TTK: variants seen among roughly 807,000 people sequenced by gnomAD.
TTK encodes dual specificity protein kinase TTK.
TTK carries 59 observed loss-of-function variants against 117.3 expected under a neutral mutation model. That is an observed-to-expected ratio of 0.50 (90% CI 0.41 to 0.62). The LOEUF is 0.62. Among genes scored for constraint, TTK ranks in the 20% least tolerant of loss-of-function variants. The pLI, the probability that TTK is intolerant of heterozygous loss-of-function variation, is 0.00. For synonymous variants in TTK, 302 were observed against 325.0 expected (o/e 0.93, Z 0.76); for missense variants, 921 against 989.4 (o/e 0.93, Z 0.93).
At chr6:80,029,092 A>G (rs1430806018) in intron 13 of TTK, among the ~76,000 whole-genome samples, 3 of 152,224 alleles carry the variant, frequency 2.0e-5, no homozygotes, top group Admixed American at 6.5e-5. Context: ...AACAATAAAA[A>G]ACCCATGAGT....
chr6:80,034,302 ACAACT>A (rs1220930889), intron 14 of TTK, among the ~76,000 whole-genome samples: 2 of 152,136 alleles, frequency 1.3e-5, no homozygotes, highest in East Asian at 3.9e-4. Flanking sequence ...CTAACAAATC[ACAACT>A]CTGACACTAT....
At chr6:80,008,615 T>A in intron 4 of TTK, 123 bp downstream of exon 4, 1 of 816,268 alleles carries the variant, frequency 1.2e-6, no homozygotes, top group Non-Finnish European at 1.8e-6. Flanking sequence ...GTTGATCAGA[T>A]GAGAATATGG....
chr6:80,039,790 C>T lies in TTK; in HGVS notation c.2225C>T (p.Ser742Phe), dbSNP rs1257782523. 1 of 1,585,876 alleles carries T rather than the reference C, an allele frequency of 6.3e-7. No individual in the cohort carries two copies. Among genetic ancestry groups the T allele is most frequent in the Admixed American group, 1.8e-5 (1 of 56,242 alleles). Reference sequence around the variant, plus strand: ...TTTCAGCAGATAATTAATCAGATTTCTAAATTACATGCCATAATTGATCCT... The same window carrying T: ...TTTCAGCAGATAATTAATCAGATTTTTAAATTACATGCCATAATTGATCCT... ...TPFQQIINQISKLHAIIDPNH... is the reference protein window; with the variant it reads ...TPFQQIINQIFKLHAIIDPNH... The change falls in exon 19 of 22, where the codon TCT becomes TTT. Residue 742 changes from serine (S) to phenylalanine (F), a missense_variant. Transcript: ENST00000369798.
Position 80,007,813 on chromosome 6 carries a change from C to T in TTK, c.144C>T (p.Asn48=). The T allele has an allele frequency of 6.2e-7, 1 of 1,607,946 alleles. No individual in the cohort carries two copies. The highest frequency in any genetic ancestry group is 8.5e-7 in the Non-Finnish European group (1 of 1,176,634). ...LNKISADTTD[N]SGTVNQIMMM... ...TATTTTGTTCCCCTTATTTAGATAACTCGGGAACTGTTAACCAAATTATGA... is the reference window on the plus strand; with the variant it reads ...TATTTTGTTCCCCTTATTTAGATAATTCGGGAACTGTTAACCAAATTATGA... The change falls in exon 3 of 22, where the codon AAC becomes AAT. Residue 48 remains asparagine (N), a synonymous_variant. Coordinates refer to ENST00000369798, the MANE Select transcript of TTK (RefSeq NM_003318.5).
rs140566818 is a variant in TTK at position 80,034,442 on chromosome 6, A to T, written c.1615-543A>T. On this transcript the variant is annotated intron_variant, in intron 14 of 21. Transcript: ENST00000369798. Reference sequence around the variant, plus strand: ...GCTAAATCTAGGCACAATAGAGAAAACAACATCTGTGAATTGAATTGACTC... The same window carrying T: ...GCTAAATCTAGGCACAATAGAGAAATCAACATCTGTGAATTGAATTGACTC... Among the ~76,000 whole-genome samples the T allele has an allele frequency of 5.0e-3, 763 of 152,312 alleles. 3 individuals carry two copies. Among genetic ancestry groups the T allele is most frequent in the Admixed American group, 5.8e-3 (89 of 15,286 alleles).
Position 80,042,329 on chromosome 6 carries a change from A to G in TTK, c.*127A>G. On this transcript the variant is annotated 3_prime_UTR_variant, in exon 22 of 22. Transcript: ENST00000369798. ...GAAGTGTTATCAGCAAAAAAAATTC[A>G]GTAGATTATCTTTAAAAGAAAACTG... 1 of 641,832 alleles carries G rather than the reference A, an allele frequency of 1.6e-6. No individual in the cohort carries two copies. The highest frequency in any genetic ancestry group is 3.4e-5 in the South Asian group (1 of 29,546). The allele number at this position is 641,832 out of a possible 1,614,324, so 39.8% of individuals were successfully genotyped here.
chr6:80,017,325 T>G (rs951539872), intron 10 of TTK, among the ~76,000 whole-genome samples: 2 of 152,228 alleles, frequency 1.3e-5, no homozygotes, highest in Non-Finnish European at 2.9e-5. Context: ...TCACCCAGAT[T>G]GCAGTGCAGT....
chr6:80,010,985 C>G, intron 5 of TTK, 28 bp downstream of exon 5: 1 of 1,593,560 alleles, frequency 6.3e-7, no homozygotes, highest in Non-Finnish European at 8.6e-7. Flanking sequence ...CTAATACTTT[C>G]TGTGGTAGGT....
intron 11 of TTK, among the ~76,000 whole-genome samples, chr6:80,025,318 C>T (rs935541492): frequency 1.3e-5 from 2 of 152,026 alleles, no homozygotes; most frequent in African/African-American, 4.8e-5. Flanking sequence ...AAAATTTATC[C>T]TGGAAAAAAA....
Position 80,014,543 on chromosome 6 carries a change from C to T in TTK, c.1065C>T (p.Thr355=). The change falls in exon 10 of 22, where the codon ACC becomes ACT. Residue 355 remains threonine (T), a synonymous_variant. Transcript: ENST00000369798. Reference sequence around the variant, plus strand: ...AACTTATTATTACTGATTCAATAACCCTGAAGAATAAAACGGAATCAAGTC... The same window carrying T: ...AACTTATTATTACTGATTCAATAACTCTGAAGAATAAAACGGAATCAAGTC... ...SSELIITDSI[T]LKNKTESSLL... 3 of 1,602,382 alleles carry T rather than the reference C, an allele frequency of 1.9e-6. No individual in the cohort carries two copies. Among genetic ancestry groups the T allele is most frequent in the Non-Finnish European group, 2.6e-6 (3 of 1,174,234 alleles).
At chr6:80,007,314 G>A (rs1767019688) in intron 2 of TTK, among the ~76,000 whole-genome samples, 1 of 152,112 alleles carries the variant, frequency 6.6e-6, no homozygotes, top group South Asian at 2.1e-4. Flanking sequence ...AAGTAAGTAT[G>A]AGGTATACAG....
intron 2 of TTK, among the ~76,000 whole-genome samples, chr6:80,007,063 A>G (rs980159430): frequency 1.3e-5 from 2 of 152,190 alleles, no homozygotes; most frequent in Non-Finnish European, 2.9e-5. Context: ...AGTAAAAAGT[A>G]CATTTCAGTG....
intron 11 of TTK, among the ~76,000 whole-genome samples, chr6:80,025,220 A>C (rs1052275166): frequency 1.3e-5 from 2 of 152,188 alleles, no homozygotes; most frequent in Admixed American, 6.5e-5. Flanking sequence ...TTATTACAGC[A>C]GTTCCTCAGT....
At chr6:80,010,731 G>C in intron 4 of TTK, 83 bp from the exon 5 acceptor site, 8 of 1,341,556 alleles carry the variant, frequency 6.0e-6, no homozygotes, top group Non-Finnish European at 8.0e-6. Flanking sequence ...TTTTTTTCTA[G>C]GTCCTGATGA....
chr6:80,013,511 A>G, intron 9 of TTK, 145 bp downstream of exon 9: 2 of 628,074 alleles, frequency 3.2e-6, no homozygotes, highest in East Asian at 6.7e-5. Context: ...CTGTGGGACT[A>G]CGAGTGGGAA....
intron 4 of TTK, among the ~76,000 whole-genome samples, 189 bp downstream of exon 4, chr6:80,008,681 C>A (rs1767060819): frequency 6.6e-6 from 1 of 152,008 alleles, no homozygotes; most frequent in African/African-American, 2.4e-5. Flanking sequence ...CTAGCTTTTC[C>A]ATGTATAAAG....
chr6:80,007,139 GACAGTC>G (rs1369558099), intron 2 of TTK, among the ~76,000 whole-genome samples: 1 of 152,234 alleles, frequency 6.6e-6, no homozygotes, highest in African/African-American at 2.4e-5. Context: ...AGAGAAACCT[GACAGTC>G]ACAAGAGGTC....
At chr6:80,031,347 G>A in intron 13 of TTK, 120 bp from the exon 14 acceptor site, 1 of 484,384 alleles carries the variant, frequency 2.1e-6, no homozygotes, top group Non-Finnish European at 3.3e-6. Flanking sequence ...TAAAAATATT[G>A]TAACATTTCT....
chr6:80,012,438 A>G (rs1767185924), intron 8 of TTK, among the ~76,000 whole-genome samples: 1 of 151,984 alleles, frequency 6.6e-6, no homozygotes, highest in Non-Finnish European at 1.5e-5. Flanking sequence ...GGGACAGGTT[A>G]GGTACAGATG....
Sources: allele counts gnomAD v4.1 joint callset (sites outside exome capture counted in the v4.1 genomes callset), GRCh38; gene constraint gnomAD v4.1.1; transcripts MANE v1.5; gene names NCBI Gene and HGNC (gene_info 2026-07-23, HGNC 2026-07-21).